EGFLAM: variants seen among roughly 807,000 people sequenced by gnomAD.
The protein encoded by EGFLAM is pikachurin.
Under a neutral mutation model 113.1 loss-of-function variants are expected in EGFLAM, and 79 were observed. The observed-to-expected ratio is 0.70, with a 90% CI of 0.58 to 0.84. The LOEUF is 0.84. EGFLAM is among the 40% of genes least tolerant of loss of function. The pLI is 0.00. For synonymous variants in EGFLAM, 504 were observed against 487.6 expected, an observed-to-expected ratio of 1.03 and a Z score of -0.44; for missense variants, 1,265 against 1,291.6, an observed-to-expected ratio of 0.98 and a Z score of 0.32.
intron 1 of EGFLAM, among the ~76,000 whole-genome samples, chr5:38,309,204 T>A (rs1758802256): frequency 6.6e-6 from 1 of 152,240 alleles, no homozygotes; most frequent in Non-Finnish European, 1.5e-5. Context: ...ACATACTACA[T>A]AATAATGTGC....
At chr5:38,258,978 C>T in intron 1 of EGFLAM, 127 bp downstream of exon 1, 2 of 1,056,166 alleles carry the variant, frequency 1.9e-6, no homozygotes, top group South Asian at 1.7e-5. Context: ...CTCGCTTCAG[C>T]TCTGCCAGGA....
At chr5:38,445,199 C>T (rs1742667797) in intron 17 of EGFLAM, among the ~76,000 whole-genome samples, 2 of 151,892 alleles carry the variant, frequency 1.3e-5, no homozygotes, top group Non-Finnish European at 1.5e-5. Flanking sequence ...GGAATGAGGG[C>T]GATATTTTCC....
chr5:38,433,061 A>G (rs934731340), intron 15 of EGFLAM, among the ~76,000 whole-genome samples: 10 of 152,224 alleles, frequency 6.6e-5, no homozygotes, highest in Admixed American at 5.2e-4. Context: ...GGGAAGGCCA[A>G]TGCCTGATCT....
chr5:38,445,800 G>A (rs1742689798), intron 17 of EGFLAM: 4 of 1,284,830 alleles, frequency 3.1e-6, no homozygotes, highest in African/African-American at 1.5e-5. Context: ...TGTGGGAGCT[G>A]GGACATGCCT....
chr5:38,313,578 G>A (rs1045773792), intron 1 of EGFLAM, among the ~76,000 whole-genome samples: 17 of 151,996 alleles, frequency 1.1e-4, no homozygotes, highest in African/African-American at 2.4e-4. Context: ...ATCATACATC[G>A]CCTAATTACT....
intron 11 of EGFLAM, among the ~76,000 whole-genome samples, chr5:38,413,185 ATTTTTTTTT>A (rs34326457): frequency 3.2e-4 from 32 of 100,882 alleles, no homozygotes; most frequent in African/African-American, 9.4e-4. Context: ...TGCCTGGCTA[ATTTTTTTTT>A]TTTTTTTTTT....
At chr5:38,341,618 A>G (rs1739339624) in intron 3 of EGFLAM, among the ~76,000 whole-genome samples, 1 of 152,252 alleles carries the variant, frequency 6.6e-6, no homozygotes, top group Non-Finnish European at 1.5e-5. Flanking sequence ...TTTGGCATAG[A>G]GATGCTATAA....
intron 1 of EGFLAM, among the ~76,000 whole-genome samples, chr5:38,271,111 A>C (rs1264818641): frequency 6.6e-6 from 1 of 151,632 alleles, no homozygotes; most frequent in African/African-American, 2.4e-5. Flanking sequence ...TTTTGAGTTT[A>C]ATAAAAACAC....
At chr5:38,453,145 G>C (rs1192097070) in intron 19 of EGFLAM, among the ~76,000 whole-genome samples, 1 of 152,148 alleles carries the variant, frequency 6.6e-6, no homozygotes, top group African/African-American at 2.4e-5. Flanking sequence ...CACTCTAGGG[G>C]TGGGGTCCAG....
chr5:38,328,428 C>T (rs1738945210), intron 1 of EGFLAM, among the ~76,000 whole-genome samples: 1 of 152,170 alleles, frequency 6.6e-6, no homozygotes, highest in African/African-American at 2.4e-5. Context: ...AAGATTCCTT[C>T]CTTATGGCTG....
intron 8 of EGFLAM, among the ~76,000 whole-genome samples, 198 bp downstream of exon 8, chr5:38,407,344 T>C (rs1020394932): frequency 2.6e-5 from 4 of 152,242 alleles, no homozygotes; most frequent in African/African-American, 4.8e-5. Flanking sequence ...ACAGCAGCCC[T>C]ATTTCTATGT....
intron 6 of EGFLAM, among the ~76,000 whole-genome samples, chr5:38,374,236 G>A (rs1740305818): frequency 6.6e-6 from 1 of 152,178 alleles, no homozygotes. Context: ...CCTAGACAGA[G>A]CCTATTTATC....
At chr5:38,435,862 G>C (rs1579928593) in intron 16 of EGFLAM, among the ~76,000 whole-genome samples, 1 of 135,090 alleles carries the variant, frequency 7.4e-6, no homozygotes. Flanking sequence ...CTGTCGCCCA[G>C]GCTGTAGCGC....
intron 6 of EGFLAM, chr5:38,403,708 T>C: frequency 7.1e-7 from 1 of 1,413,512 alleles, no homozygotes; most frequent in Non-Finnish European, 9.4e-7. Context: ...CCATTTAATA[T>C]TTTTGGACTG....
chr5:38,349,225 A>G (rs1452686605), intron 3 of EGFLAM, among the ~76,000 whole-genome samples: 2 of 152,218 alleles, frequency 1.3e-5, no homozygotes, highest in Non-Finnish European at 2.9e-5. Context: ...AGTTTTTAAT[A>G]AATACAATGT....
intron 1 of EGFLAM, among the ~76,000 whole-genome samples, chr5:38,298,034 C>A (rs957015149): frequency 6.6e-6 from 1 of 152,110 alleles, no homozygotes; most frequent in African/African-American, 2.4e-5. Flanking sequence ...CTGGGAAGAG[C>A]GGCTTGGAGA....
chr5:38,419,095 T>A (rs1461146301), intron 12 of EGFLAM, among the ~76,000 whole-genome samples: 1 of 152,204 alleles, frequency 6.6e-6, no homozygotes, highest in East Asian at 1.9e-4. Flanking sequence ...TCGTGGGATC[T>A]TTCCTCCATG....
chr5:38,421,358 A>G (rs1428439316), intron 12 of EGFLAM, among the ~76,000 whole-genome samples: 1 of 152,168 alleles, frequency 6.6e-6, no homozygotes, highest in African/African-American at 2.4e-5. Flanking sequence ...TCTCAAACCT[A>G]TATTTCCACC....
At chr5:38,437,071 A>T (rs1742374667) in intron 16 of EGFLAM, among the ~76,000 whole-genome samples, 1 of 152,184 alleles carries the variant, frequency 6.6e-6, no homozygotes. Context: ...CCATATTCTG[A>T]ATCAAGGGCT....
Sources: gnomAD v4.1 joint callset for allele counts (sites outside exome capture counted in the v4.1 genomes callset) on GRCh38, gnomAD v4.1.1 for gene constraint, MANE v1.5 for transcripts, NCBI Gene and HGNC (gene_info 2026-07-23, HGNC 2026-07-21) for gene names.